Variants in C3orf22 observed in about 807,000 individuals in gnomAD.
C3orf22 encodes chromosome 3 open reading frame 22.
A neutral mutation model predicts 10.8 loss-of-function variants in C3orf22; 7 were observed. The observed-to-expected ratio is 0.65, with a 90% CI of 0.37 to 1.22. The LOEUF (loss-of-function observed/expected upper bound fraction) is 1.22. Ranked by LOEUF, C3orf22 falls within the 50% of genes most tolerant of loss-of-function variation. C3orf22 has a pLI of 0.02. For synonymous variants in C3orf22, 79 were observed against 78.9 expected, an observed-to-expected ratio of 1.00 and a Z score of 0.00; for missense variants, 173 against 177.0, an observed-to-expected ratio of 0.98 and a Z score of 0.13.
downstream of C3orf22, among the ~76,000 whole-genome samples, chr3:126,547,547 A>C (rs555594213): frequency 6.6e-6 from 1 of 152,228 alleles, no homozygotes; most frequent in Non-Finnish European, 1.5e-5. Context: ...TGAGTTACCA[A>C]CTTTTTCTAC....
intron 4 of C3orf22, among the ~76,000 whole-genome samples, chr3:126,530,247 A>G (rs934546215): frequency 2.0e-5 from 3 of 152,234 alleles, no homozygotes; most frequent in Admixed American, 2.0e-4. Context: ...GGCCACAGCT[A>G]TTCTGAGCCT....
At chr3:126,539,720 AC>A (rs1277366819) in intron 4 of C3orf22, among the ~76,000 whole-genome samples, 7 of 74,224 alleles carry the variant, frequency 9.4e-5, no homozygotes, top group Non-Finnish European at 1.0e-4. Flanking sequence ...TGCCACACAC[AC>A]CCCCCACACC....
rs537242657 is a variant in C3orf22 at position 126,540,059 on chromosome 3, C to T, written c.286+9478G>A. On this transcript the variant is annotated intron_variant and NMD_transcript_variant, in intron 4 of 5. Coordinates refer to the C3orf22 transcript ENST00000505070. ...CCACACACCACACAGAGACATCATG[C>T]ACCACAGGCACACACCACACGCGTG... 9.3e-4 allele frequency among the ~76,000 whole-genome samples: 140 copies of T among 150,310 alleles called. No individual in the cohort carries two copies. The Middle Eastern group carries it at 0.017, about 19-fold the overall frequency.
intron 1 of C3orf22, among the ~76,000 whole-genome samples, chr3:126,553,863 C>G (rs996551170): frequency 4.6e-5 from 7 of 152,220 alleles, no homozygotes; most frequent in African/African-American, 1.7e-4. Flanking sequence ...CTGCTGAGCA[C>G]TGTTCTAGGG....
intron 1 of C3orf22, among the ~76,000 whole-genome samples, chr3:126,554,764 G>A (rs1049446193): frequency 3.3e-5 from 5 of 152,148 alleles, no homozygotes; most frequent in African/African-American, 1.2e-4. Context: ...AATGCCGACT[G>A]CCTGCCAGTT....
At chr3:126,535,020 CAGCCAGGAGACACACAGCATCGCTGTCCT>C in intron 4 of C3orf22, among the ~76,000 whole-genome samples, 5 of 150,380 alleles carry the variant, frequency 3.3e-5, no homozygotes, top group Middle Eastern at 3.3e-3. Context: ...TCCCTGTCCT[CAGCCAGGAGACACACAGCATCGCTGTCCT>C]CAGCCGGGAG....
At chr3:126,530,619 G>T (rs1936637611) in intron 4 of C3orf22, among the ~76,000 whole-genome samples, 1 of 152,234 alleles carries the variant, frequency 6.6e-6, no homozygotes, top group Non-Finnish European at 1.5e-5. Context: ...GCCTGGTGTG[G>T]CACCAGCGGA....
intron 4 of C3orf22, among the ~76,000 whole-genome samples, chr3:126,535,200 C>T (rs1936752477): frequency 6.6e-6 from 1 of 151,734 alleles, no homozygotes; most frequent in South Asian, 2.1e-4. Flanking sequence ...GACAGACAGA[C>T]AGCATCGCTG....
At chr3:126,556,886 T>C (rs4679262) in intron 1 of C3orf22, among the ~76,000 whole-genome samples, 2 of 144,092 alleles carry the variant, frequency 1.4e-5, no homozygotes, top group African/African-American at 5.1e-5. Context: ...ACACACAGAC[T>C]CACACACATG....
chr3:126,537,780 A>C (rs1936829368), intron 4 of C3orf22, among the ~76,000 whole-genome samples: 1 of 152,210 alleles, frequency 6.6e-6, no homozygotes, highest in Non-Finnish European at 1.5e-5. Context: ...CTGGCCAACA[A>C]GTGCTGATCA....
At chr3:126,528,401 A>G (rs1227064780) in intron 5 of C3orf22, among the ~76,000 whole-genome samples, 1 of 152,190 alleles carries the variant, frequency 6.6e-6, no homozygotes, top group African/African-American at 2.4e-5. Context: ...AAAAGATTTC[A>G]GCAATAAAGA....
intron 4 of C3orf22, among the ~76,000 whole-genome samples, chr3:126,532,030 G>A (rs1034755066): frequency 2.0e-5 from 3 of 152,222 alleles, no homozygotes; most frequent in African/African-American, 7.2e-5. Flanking sequence ...TAGTGATGTT[G>A]CGCACCTTTT....
At chr3:126,539,245 C>G (rs893884853) in intron 4 of C3orf22, among the ~76,000 whole-genome samples, 1 of 152,104 alleles carries the variant, frequency 6.6e-6, no homozygotes, top group African/African-American at 2.4e-5. Context: ...TATGTCTGAA[C>G]GTATCTCTAA....
downstream of C3orf22, among the ~76,000 whole-genome samples, chr3:126,547,489 G>A (rs982433858): frequency 6.6e-6 from 1 of 152,196 alleles, no homozygotes; most frequent in Admixed American, 6.5e-5. Context: ...GAGGAGGCAC[G>A]AATTACAGAC....
rs1194514821 is a variant in C3orf22 at position 126,535,962 on chromosome 3, G to T, written c.287-6590C>A. ...GGCAGTGGGTGAGTTTGGGTGATCT[G>T]GCCTTTCCTAGAGGGTTGGTGGGCT... On this transcript the variant is annotated intron_variant and NMD_transcript_variant, in intron 4 of 5. Transcript: ENST00000505070. 4.6e-5 allele frequency among the ~76,000 whole-genome samples: 7 copies of T among 152,226 alleles called. No individual in the cohort carries two copies. In the East Asian group the frequency reaches 1.3e-3, roughly 29 times the overall value.
At chr3:126,549,447 C>T (rs1374750075), downstream of C3orf22, 2 of 437,518 alleles carry the variant, frequency 4.6e-6, no homozygotes, top group Non-Finnish European at 9.1e-6. Flanking sequence ...TATAATTTAG[C>T]AGTTTCCTGT....
intron 4 of C3orf22, among the ~76,000 whole-genome samples, chr3:126,529,689 C>T (rs1182475086): frequency 6.6e-6 from 1 of 152,150 alleles, no homozygotes; most frequent in South Asian, 2.1e-4. Flanking sequence ...CTCCCAGCCT[C>T]GGGCCCTGTC....
chr3:126,532,832 A>G (rs2107565084), intron 4 of C3orf22, among the ~76,000 whole-genome samples: 1 of 152,342 alleles, frequency 6.6e-6, no homozygotes, highest in South Asian at 2.1e-4. Context: ...AGGAATTTCA[A>G]AGAATCTGTA....
intron 1 of C3orf22, among the ~76,000 whole-genome samples, chr3:126,556,163 C>T (rs1283652421): frequency 2.0e-5 from 3 of 152,184 alleles, no homozygotes; most frequent in African/African-American, 7.2e-5. Flanking sequence ...GTCAGGGGCC[C>T]ATGCACAGCA....
Sources: allele counts gnomAD v4.1 joint callset (sites outside exome capture counted in the v4.1 genomes callset), GRCh38; gene constraint gnomAD v4.1.1; transcripts MANE v1.5; gene names NCBI Gene and HGNC (gene_info 2026-07-23, HGNC 2026-07-21).